MCF2L2: variants seen among roughly 807,000 people sequenced by gnomAD.
MCF2L2 encodes the protein MCF.2 cell line derived transforming sequence-like 2, also known as probable guanine nucleotide exchange factor MCF2L2.
Under a neutral mutation model 150.2 loss-of-function variants are expected in MCF2L2, and 102 were observed. The observed-to-expected ratio is 0.68, with a 90% CI of 0.58 to 0.80. The LOEUF (loss-of-function observed/expected upper bound fraction) is 0.80, where lower values mean the gene tolerates loss of function less well. MCF2L2 is among the 30% of genes least tolerant of loss of function. MCF2L2 has a pLI of 0.00. For synonymous variants in MCF2L2, 465 were observed against 491.3 expected (o/e 0.95, Z 0.71); for missense variants, 1,256 against 1,372.8 (o/e 0.91, Z 1.34).
intron 5 of MCF2L2, among the ~76,000 whole-genome samples, chr3:183,334,625 TA>T (rs529730848): frequency 1.0e-4 from 15 of 145,004 alleles, no homozygotes; most frequent in Non-Finnish European, 9.1e-5. Context: ...CTGTCTCTAC[TA>T]AAAAAAAAAT....
At chr3:183,366,399 G>C (rs1278076308) in intron 3 of MCF2L2, among the ~76,000 whole-genome samples, 1 of 152,230 alleles carries the variant, frequency 6.6e-6, no homozygotes, top group African/African-American at 2.4e-5. Context: ...CCAGCACCGT[G>C]GGAGGCTGAG....
chr3:183,345,392 C>A (rs528600113), intron 3 of MCF2L2, among the ~76,000 whole-genome samples: 8 of 151,936 alleles, frequency 5.3e-5, no homozygotes, highest in African/African-American at 1.9e-4. Context: ...ACACAATGTA[C>A]CAGAATCTCT....
intron 2 of MCF2L2, among the ~76,000 whole-genome samples, chr3:183,384,504 C>T (rs1430451718): frequency 6.6e-6 from 1 of 152,138 alleles, no homozygotes; most frequent in African/African-American, 2.4e-5. Context: ...TGGCACCATC[C>T]AGATCAATAA....
rs372510492 is a variant in MCF2L2 at position 183,187,288 on chromosome 3, G to A, written c.3016+5711C>T. On this transcript the variant is annotated intron_variant, in intron 27 of 29. Transcript: ENST00000328913. ...GTACCCGACGAGGGACCTGTAGTAAGGCTGGCAGACAGGTTCTTCCTCTGT... is the reference window on the plus strand; with the variant it reads ...GTACCCGACGAGGGACCTGTAGTAAAGCTGGCAGACAGGTTCTTCCTCTGT... Among the ~76,000 whole-genome samples the A allele has an allele frequency of 2.1e-4, 32 of 152,276 alleles. No individual in the cohort carries two copies. In the East Asian group the frequency reaches 4.8e-3, roughly 23 times the overall value.
intron 5 of MCF2L2, among the ~76,000 whole-genome samples, chr3:183,325,969 T>C (rs1411336820): frequency 1.3e-5 from 2 of 152,166 alleles, no homozygotes; most frequent in African/African-American, 2.4e-5. Context: ...ACAAACTGAT[T>C]CTAAAATTCA....
At chr3:183,314,265 G>A (rs751556286) in intron 7 of MCF2L2, among the ~76,000 whole-genome samples, 1 of 152,168 alleles carries the variant, frequency 6.6e-6, no homozygotes, top group Non-Finnish European at 1.5e-5. Context: ...AGCTCAGGCT[G>A]GGGGAAAGAA....
intron 15 of MCF2L2, chr3:183,272,522 A>AT: frequency 3.0e-6 from 3 of 993,960 alleles, no homozygotes; most frequent in Non-Finnish European, 3.6e-6. Context: ...AGAAATTTTA[A>AT]TTTTTTTCTA....
At chr3:183,405,935 G>C (rs549946943) in intron 1 of MCF2L2, among the ~76,000 whole-genome samples, 1 of 152,022 alleles carries the variant, frequency 6.6e-6, no homozygotes, top group Non-Finnish European at 1.5e-5. Flanking sequence ...AGGCTGTCTC[G>C]AACTCCTGAC....
chr3:183,297,642 C>CCTCCCTT (rs1728593967), intron 11 of MCF2L2: 1 of 146,118 alleles, frequency 6.8e-6, no homozygotes, highest in Non-Finnish European at 1.5e-5. Context: ...CTTCCTTCCT[C>CCTCCCTT]CCTTCCTTCC....
At chr3:183,258,956 T>C (rs1031361874) in intron 15 of MCF2L2, among the ~76,000 whole-genome samples, 1 of 152,198 alleles carries the variant, frequency 6.6e-6, no homozygotes, top group Non-Finnish European at 1.5e-5. Flanking sequence ...ATGTAAACAA[T>C]TGTTACACGG....
chr3:183,364,493 C>A (rs1365759216), intron 3 of MCF2L2, among the ~76,000 whole-genome samples: 2 of 151,840 alleles, frequency 1.3e-5, no homozygotes, highest in Non-Finnish European at 2.9e-5. Context: ...GCACTCCAGC[C>A]TGGGCAACAG....
intron 5 of MCF2L2, among the ~76,000 whole-genome samples, chr3:183,324,929 T>C (rs1180106090): frequency 2.6e-5 from 4 of 151,750 alleles, no homozygotes; most frequent in Non-Finnish European, 5.9e-5. Context: ...CATCATGGAA[T>C]ACTATGCAGC....
intron 3 of MCF2L2, among the ~76,000 whole-genome samples, chr3:183,352,736 C>T (rs6443878): frequency 0.12 from 18,801 of 152,098 alleles, 2,013 homozygotes; most frequent in African/African-American, 0.28. Flanking sequence ...CCTCACTTCC[C>T]TTCTGGATCC....
intron 15 of MCF2L2, chr3:183,272,532 A>G (rs1726866601): frequency 2.0e-6 from 2 of 993,856 alleles, no homozygotes; most frequent in Non-Finnish European, 2.4e-6. Flanking sequence ...ATTTTTTTCT[A>G]TTTTGAAATT....
At chr3:183,257,958 C>CTT (rs35323502) in intron 15 of MCF2L2, among the ~76,000 whole-genome samples, 2,231 of 64,568 alleles carry the variant, frequency 0.035, 737 homozygotes, top group East Asian at 0.054. Context: ...CCACTTCACC[C>CTT]TTTTTTTTTT....
intron 25 of MCF2L2, 51 bp from the exon 26 acceptor site, chr3:183,195,306 A>G: frequency 7.9e-7 from 1 of 1,267,900 alleles, no homozygotes; most frequent in Non-Finnish European, 1.1e-6. Flanking sequence ...AGCTAATTTG[A>G]ATTGATTTTA....
At chr3:183,334,715 C>A in intron 5 of MCF2L2, among the ~76,000 whole-genome samples, 1 of 150,776 alleles carries the variant, frequency 6.6e-6, no homozygotes, top group Non-Finnish European at 1.5e-5. Flanking sequence ...ATTGCTTGAA[C>A]CTGGGAGGCA....
At chr3:183,362,897 T>C (rs897746602) in intron 3 of MCF2L2, among the ~76,000 whole-genome samples, 8 of 152,290 alleles carry the variant, frequency 5.3e-5, no homozygotes, top group African/African-American at 1.9e-4. Flanking sequence ...CGTCTTTATA[T>C]CTTATAAAGA....
intron 10 of MCF2L2, among the ~76,000 whole-genome samples, chr3:183,304,749 C>T (rs920606148): frequency 1.3e-5 from 2 of 151,988 alleles, no homozygotes; most frequent in African/African-American, 4.8e-5. Context: ...GCTAGGATTA[C>T]AGGCGTGAGC....
Sources: allele counts gnomAD v4.1 joint callset (sites outside exome capture counted in the v4.1 genomes callset), GRCh38; gene constraint gnomAD v4.1.1; transcripts MANE v1.5; gene names NCBI Gene and HGNC (gene_info 2026-07-23, HGNC 2026-07-21).